The following ANKAR variants were observed in gnomAD, a reference collection of about 807,000 sequenced individuals.
ANKAR encodes the protein ankyrin and armadillo repeat containing.
Under a neutral mutation model 146.2 loss-of-function variants are expected in ANKAR, and 136 were observed. The observed-to-expected ratio is 0.93, with a 90% CI of 0.81 to 1.07. The LOEUF is 1.07. ANKAR is among the 50% of genes least tolerant of loss of function. The pLI is 0.00. For missense variants in ANKAR, 1,567 were observed against 1,679.9 expected (o/e 0.93, Z 1.18); for synonymous variants, 500 against 575.8 (o/e 0.87, Z 1.88).
At chr2:189,686,120 C>A (rs940355099) in intron 2 of ANKAR, among the ~76,000 whole-genome samples, 1 of 151,946 alleles carries the variant, frequency 6.6e-6, no homozygotes, top group African/African-American at 2.4e-5. Flanking sequence ...CCTTTCATTT[C>A]TTTGTAATTT....
At chr2:189,754,699 G>A in intron 18 of ANKAR, 1 of 204,522 alleles carries the variant, frequency 4.9e-6, no homozygotes, top group South Asian at 7.9e-5. Context: ...TTGTTTGTTT[G>A]TTTGTTTGTT....
chr2:189,762,728 A>G (rs1440462619), downstream of ANKAR: 6 of 985,276 alleles, frequency 6.1e-6, no homozygotes, highest in African/African-American at 1.7e-5. Context: ...TCCTTTCCCT[A>G]CTAAAGACTG....
intron 2 of ANKAR, among the ~76,000 whole-genome samples, chr2:189,683,881 C>T (rs952876732): frequency 6.6e-6 from 1 of 152,222 alleles, no homozygotes; most frequent in African/African-American, 2.4e-5. Context: ...GGGAATCCGT[C>T]TTGGCCAAGT....
chr2:189,746,743 A>G, downstream of ANKAR: 3 of 1,133,532 alleles, frequency 2.6e-6, no homozygotes. Flanking sequence ...AAAGTTCTTG[A>G]TCTCGATACT....
rs2033991607 is a variant in ANKAR at position 189,677,868 on chromosome 2, T to G, written c.601+777T>G. 1.3e-5 allele frequency among the ~76,000 whole-genome samples: 2 copies of G among 152,156 alleles called. 1 individual carries two copies. Among genetic ancestry groups the G allele is most frequent in the South Asian group, 4.1e-4 (2 of 4,828 alleles). On this transcript the variant is annotated intron_variant, in intron 2 of 22. Coordinates refer to ENST00000684021, the MANE Select transcript of ANKAR (RefSeq NM_001378068.1). Reference sequence around the variant, plus strand: ...GGGCCTTTAGACTGGTTCCATGTTTTTGCAATTGTGAATTGTGCTGCTATA... The same window carrying G: ...GGGCCTTTAGACTGGTTCCATGTTTGTGCAATTGTGAATTGTGCTGCTATA...
chr2:189,682,086 T>C (rs115104905), intron 2 of ANKAR, among the ~76,000 whole-genome samples: 5,733 of 152,104 alleles, frequency 0.038, 157 homozygotes, highest in African/African-American at 0.067. Flanking sequence ...GCTGGGTGTG[T>C]TTACAATAGA....
chr2:189,689,114 T>C (rs2036039474), intron 2 of ANKAR, among the ~76,000 whole-genome samples: 3 of 152,206 alleles, frequency 2.0e-5, no homozygotes. Flanking sequence ...GGTTTGTGAC[T>C]TCACCATTGC....
intron 18 of ANKAR, chr2:189,754,995 T>G: frequency 1.4e-6 from 1 of 693,936 alleles, no homozygotes; most frequent in South Asian, 2.2e-5. Flanking sequence ...TAAGAAAGGC[T>G]AAGAATTATA....
chr2:189,749,984 G>A (rs1213149524), downstream of ANKAR, among the ~76,000 whole-genome samples: 3 of 152,086 alleles, frequency 2.0e-5, no homozygotes, highest in South Asian at 2.1e-4. Flanking sequence ...TTAGCCAGAC[G>A]TGGTGGTGGG....
intron 7 of ANKAR, among the ~76,000 whole-genome samples, chr2:189,703,372 G>C (rs2038366271): frequency 6.6e-6 from 1 of 152,118 alleles, no homozygotes; most frequent in African/African-American, 2.4e-5. Context: ...TTGGTGATGG[G>C]CTGGTTATGG....
At chr2:189,717,918 C>A (rs971013256) in intron 10 of ANKAR, among the ~76,000 whole-genome samples, 1 of 152,030 alleles carries the variant, frequency 6.6e-6, no homozygotes. Context: ...TGGGAAACAT[C>A]ACATACCAGG....
At position 189,728,680 on chromosome 2, in the gene ANKAR, C is replaced by A; in HGVS notation, c.3052C>A (p.Leu1018Ile). 1 of 1,613,542 alleles carries A rather than the reference C, an allele frequency of 6.2e-7. No individual in the cohort carries two copies. The highest frequency in any genetic ancestry group is 8.5e-7 in the Non-Finnish European group (1 of 1,179,816). ...ATCAGGAGGTGAAGCTGTCATAGCT[C>A]TAAGTAAGGACAGCAGGATGCATCA... Reference protein sequence around the residue: ...QYVGGEAVIALSKDSRMHQNQ... With the variant: ...QYVGGEAVIAISKDSRMHQNQ... Residue 1018 changes from leucine (L) to isoleucine (I), a missense_variant, in exon 15 of 23, where the codon CTA (leucine) becomes ATA (isoleucine). By Grantham distance (5) the Leu-to-Ile change is conservative. Transcript: ENST00000684021.
At position 189,695,536 on chromosome 2, in the gene ANKAR, T is replaced by C. The variant is rs543817567; in HGVS notation, c.1488+375T>C. Reference sequence around the variant, plus strand: ...GATCTTTCACAAATCATATAGTAAATGGCAGAGCCAGGCTTCAGTCCTGGG... The same window carrying C: ...GATCTTTCACAAATCATATAGTAAACGGCAGAGCCAGGCTTCAGTCCTGGG... On this transcript the variant is annotated intron_variant, in intron 6 of 22. Coordinates refer to ENST00000684021, the MANE Select transcript of ANKAR (RefSeq NM_001378068.1). Among the ~76,000 whole-genome samples, 10 of 152,326 alleles carry C rather than the reference T, an allele frequency of 6.6e-5. 1 individual carries two copies. The East Asian group carries it at 1.5e-3, about 23-fold the overall frequency.
intron 18 of ANKAR, among the ~76,000 whole-genome samples, chr2:189,752,024 A>G (rs972441272): frequency 2.0e-5 from 3 of 151,794 alleles, no homozygotes; most frequent in African/African-American, 7.3e-5. Flanking sequence ...TGAACCTGTA[A>G]TTCCAGCTAC....
chr2:189,735,233 C>A (rs1391954411), intron 17 of ANKAR, among the ~76,000 whole-genome samples: 2 of 152,160 alleles, frequency 1.3e-5, no homozygotes, highest in East Asian at 3.8e-4. Context: ...ACCTGCTTCA[C>A]TCTCTGGACC....
chr2:189,695,237 T>G, intron 6 of ANKAR, 76 bp downstream of exon 6: 1 of 1,224,818 alleles, frequency 8.2e-7, no homozygotes, highest in Non-Finnish European at 1.1e-6. Context: ...AAACAGATGT[T>G]TATCCTAGGG....
chr2:189,743,375 T>C lies in ANKAR; in HGVS notation c.3911T>C (p.Ile1304Thr), dbSNP rs770904160. 2 of 1,613,996 alleles carry C rather than the reference T, an allele frequency of 1.2e-6. No homozygotes were observed. The highest frequency in any genetic ancestry group is 1.7e-6 in the Non-Finnish European group (2 of 1,179,936). The change falls in exon 21 of 23, where the codon ATT (isoleucine) becomes ACT (threonine). Residue 1304 changes from isoleucine (I) to threonine (T), a missense_variant. Ile to Thr is a moderately conservative substitution (Grantham distance 89, BLOSUM62 -1). Coordinates refer to ENST00000684021, the MANE Select transcript of ANKAR (RefSeq NM_001378068.1). Reference protein sequence around the residue: ...KECRNKPNQFIRIKNNISRDA... With the variant: ...KECRNKPNQFTRIKNNISRDA... ...TGCAGGAATAAACCTAATCAGTTCA[T>C]TCGTATAAAAAATAATATCAGCAGA...
At chr2:189,725,656 C>T (rs779827772) in intron 12 of ANKAR, among the ~76,000 whole-genome samples, 2 of 152,122 alleles carry the variant, frequency 1.3e-5, no homozygotes, top group Non-Finnish European at 2.9e-5. Flanking sequence ...GCCTATAATC[C>T]CAGCACTTTG....
rs114620571 is a variant in ANKAR, at chr2:189,694,831, C to G, written c.1308-150C>G. ...TTGATTAATAACAGTTGATAACTAT[C>G]TTATTAATATACTTACAGTTGACTA... On this transcript the variant is annotated intron_variant, in intron 5 of 22. Transcript: ENST00000684021. The G allele has an allele frequency of 8.2e-3, 3,798 of 461,050 alleles. 115 individuals are homozygous for G. The highest frequency in any genetic ancestry group is 0.064 in the African/African-American group (3,268 of 51,280). The allele number at this position is 461,050 out of a possible 1,614,324, so 28.6% of individuals were successfully genotyped here. A position where few individuals can be genotyped will look rare whatever the true frequency, so the allele number is the denominator to read the frequency against.
Sources: allele counts gnomAD v4.1 joint callset (sites outside exome capture counted in the v4.1 genomes callset), GRCh38; gene constraint gnomAD v4.1.1; transcripts MANE v1.5; gene names NCBI Gene and HGNC (gene_info 2026-07-23, HGNC 2026-07-21).